MYO18B: variants seen among roughly 807,000 people sequenced by gnomAD.
MYO18B encodes the protein unconventional myosin-XVIIIb.
A neutral mutation model predicts 273.0 loss-of-function variants in MYO18B; 204 were observed. The observed-to-expected ratio is 0.75, with a 90% CI of 0.67 to 0.84. The LOEUF (loss-of-function observed/expected upper bound fraction) is 0.84, where lower values mean the gene tolerates loss of function less well. Ranked by LOEUF, MYO18B falls within the 40% of genes least tolerant of loss-of-function variation. MYO18B has a pLI of 0.00. For synonymous variants in MYO18B, 1,330 were observed against 1,305.7 expected, an observed-to-expected ratio of 1.02 and a Z score of -0.40; for missense variants, 3,212 against 3,287.6, an observed-to-expected ratio of 0.98 and a Z score of 0.56.
rs929998665 is a variant in MYO18B, at chr22:25,834,240, G to T, written c.3061-1056G>T. Among the ~76,000 whole-genome samples the T allele has an allele frequency of 3.3e-5, 5 of 151,370 alleles. 1 individual carries two copies. Among genetic ancestry groups the T allele is most frequent in the South Asian group, 4.2e-4 (2 of 4,786 alleles). ...TGGCTCATTGCAACTTCTGCCTCCCGGATTCAAGCGATTCTCGTGCCTCAG... is the reference window on the plus strand; with the variant it reads ...TGGCTCATTGCAACTTCTGCCTCCCTGATTCAAGCGATTCTCGTGCCTCAG... On this transcript the variant is annotated intron_variant, in intron 16 of 43. Transcript: ENST00000335473.
chr22:25,774,762 CG>C lies in MYO18B; in HGVS notation c.1869+2257del, dbSNP rs575766118. Among the ~76,000 whole-genome samples the C allele has an allele frequency of 7.9e-4, 121 of 152,254 alleles. 1 individual carries two copies. In the Middle Eastern group the frequency reaches 0.01, roughly 13 times the overall value. ...TGGGCTGGGTGGGGTCTGGACACACCGGGGGACTCTCTCACTATGGGGCTAG... is the reference window on the plus strand; with the variant it reads ...TGGGCTGGGTGGGGTCTGGACACACCGGGGACTCTCTCACTATGGGGCTAG... On this transcript the variant is annotated intron_variant, in intron 7 of 43. Transcript: ENST00000335473.
chr22:26,061,104 C>T, the MYO18B span, among the ~76,000 whole-genome samples: 1 of 152,112 alleles, frequency 6.6e-6, no homozygotes, highest in Non-Finnish European at 1.5e-5. Flanking sequence ...CCTGTAGTGC[C>T]AGCTTCTGCT....
intron 40 of MYO18B, among the ~76,000 whole-genome samples, chr22:25,995,103 C>T (rs1048894478): frequency 1.6e-4 from 24 of 152,084 alleles, no homozygotes; most frequent in South Asian, 8.3e-4. Flanking sequence ...TACTATTCAG[C>T]CATAAAAAAG....
In MYO18B at chr22:25,777,605, G is replaced by A. The variant is rs763926960; in HGVS notation, c.1892G>A (p.Gly631Asp). 1 of 1,598,398 alleles carries A rather than the reference G, an allele frequency of 6.3e-7. No individual in the cohort carries two copies. The highest frequency in any genetic ancestry group is 8.5e-7 in the Non-Finnish European group (1 of 1,172,788). The change falls in exon 8 of 44, where the codon GGC becomes GAC. Residue 631 changes from glycine to aspartate, a missense_variant. By Grantham distance (94) the Gly-to-Asp change is moderately conservative. Transcript: ENST00000335473. ...AGKVPKGRRD[G>D]LPAHIGSMAQ... The stretch of plus-strand genomic sequence containing the variant: ...CAGGTGCCCAAGGGCCGCCGGGATG[G>A]CCTGCCTGCCCACATTGGCTCCATG...
At chr22:25,828,567 T>C (rs1437038880) in intron 14 of MYO18B, among the ~76,000 whole-genome samples, 2 of 151,922 alleles carry the variant, frequency 1.3e-5, no homozygotes, top group African/African-American at 2.4e-5. Context: ...TTAGTCCTTA[T>C]AGCTATCCCT....
intron 42 of MYO18B, among the ~76,000 whole-genome samples, chr22:26,017,287 T>C (rs1021044529): frequency 2.6e-5 from 4 of 151,728 alleles, no homozygotes; most frequent in Non-Finnish European, 4.4e-5. Context: ...CACATTGACT[T>C]TATTTCTGTC....
chr22:26,054,561 G>T, the MYO18B span, among the ~76,000 whole-genome samples: 1 of 152,242 alleles, frequency 6.6e-6, no homozygotes, highest in Non-Finnish European at 1.5e-5. Context: ...GGGAGCATGG[G>T]ATGAGGTGGA....
intron 21 of MYO18B, among the ~76,000 whole-genome samples, chr22:25,866,116 T>C (rs1861937517): frequency 6.6e-6 from 1 of 152,198 alleles, no homozygotes; most frequent in African/African-American, 2.4e-5. Context: ...GTGATGTCTT[T>C]GACCCATGGA....
intron 39 of MYO18B, among the ~76,000 whole-genome samples, chr22:25,962,529 C>T (rs1169285319): frequency 6.6e-6 from 1 of 152,186 alleles, no homozygotes; most frequent in Non-Finnish European, 1.5e-5. Context: ...TTGTTTGTAT[C>T]TTACTATGTA....
chr22:25,785,302 C>A, intron 10 of MYO18B, 126 bp from the exon 11 acceptor site: 1 of 802,118 alleles, frequency 1.2e-6, no homozygotes, highest in Non-Finnish European at 2.0e-6. Context: ...GGGCCAAGGC[C>A]AGGGACAGGG....
intron 33 of MYO18B, among the ~76,000 whole-genome samples, chr22:25,911,805 G>T (rs1484999060): frequency 6.6e-6 from 1 of 152,142 alleles, no homozygotes; most frequent in African/African-American, 2.4e-5. Flanking sequence ...CTGTACTAAT[G>T]TAGCCAGCAG....
At chr22:25,894,517 T>C (rs2091749223) in intron 27 of MYO18B, among the ~76,000 whole-genome samples, 1 of 152,178 alleles carries the variant, frequency 6.6e-6, no homozygotes, top group Non-Finnish European at 1.5e-5. Context: ...CAGCCAATAA[T>C]TTTTTTGAGA....
chr22:25,829,031 A>G (rs2089604223), intron 15 of MYO18B, 63 bp downstream of exon 15: 1 of 1,547,588 alleles, frequency 6.5e-7, no homozygotes, highest in South Asian at 1.2e-5. Context: ...GTCAGATGGG[A>G]AGGGGTGGGA....
chr22:25,789,060 TCTCCTC>T (rs1248591466), intron 11 of MYO18B, among the ~76,000 whole-genome samples: 9 of 18,306 alleles, frequency 4.9e-4, no homozygotes, highest in Non-Finnish European at 2.4e-3. Context: ...TTCTTCTCTT[TCTCCTC>T]CTCCTCCTCC....
At chr22:25,804,862 G>T (rs2088394602) in intron 12 of MYO18B, among the ~76,000 whole-genome samples, 1 of 152,240 alleles carries the variant, frequency 6.6e-6, no homozygotes, top group African/African-American at 2.4e-5. Context: ...TGTGAGATCG[G>T]ATATGATGGA....
chr22:25,932,646 G>A (rs959917033), intron 34 of MYO18B, among the ~76,000 whole-genome samples: 2 of 152,062 alleles, frequency 1.3e-5, no homozygotes, highest in African/African-American at 4.8e-5. Flanking sequence ...CCGACCTCAG[G>A]TGATCTGTCC....
At chr22:26,048,048 G>A in the MYO18B span, among the ~76,000 whole-genome samples, 11 of 152,136 alleles carry the variant, frequency 7.2e-5, 1 homozygote, top group South Asian at 8.3e-4. Flanking sequence ...CAGCTTCAAC[G>A]TGCTTTGCTG....
rs779061876 is a variant in MYO18B at position 26,027,078 on chromosome 22, G to A, written c.7104G>A (p.Pro2368=). The change falls in exon 43 of 44, where the codon CCG becomes CCA. Residue 2368 remains proline, a synonymous_variant. Coordinates refer to ENST00000335473, the MANE Select transcript of MYO18B (RefSeq NM_032608.7). The surrounding 1 kb of genome is among the most constrained non-coding windows in gnomAD (Gnocchi z 4.1). ...RPSMGRKLSS[P]TTPRDMLLSP... Reference sequence around the variant, plus strand: ...GCATGGGGAGAAAACTGAGCTCTCCGACCACACCCAGGGACATGCTGTTGT... The same window carrying A: ...GCATGGGGAGAAAACTGAGCTCTCCAACCACACCCAGGGACATGCTGTTGT... 1.1e-5 allele frequency: 18 copies of A among 1,613,970 alleles called. No individual in the cohort carries two copies. The East Asian group carries it at 2.0e-4, about 18-fold the overall frequency.
chr22:25,835,413 GC>G lies in MYO18B; in HGVS notation c.3179del (p.Ala1060ValfsTer101). The G allele has an allele frequency of 6.2e-7, 1 of 1,613,954 alleles. No individual in the cohort carries two copies. The highest frequency in any genetic ancestry group is 8.5e-7 in the Non-Finnish European group (1 of 1,179,888). On this transcript the variant is annotated frameshift_variant, in exon 17 of 44. Coordinates refer to ENST00000335473, the MANE Select transcript of MYO18B (RefSeq NM_032608.7). LOFTEE classifies it high-confidence loss of function. ...DSVVLERLCA[A>X]FEKKGAGTEG... ...TGTGGTGCTCGAGCGTCTGTGTGCT[GC>G]TTTCGAGAAGAAAGGAGCTGGGACT...
Sources: gnomAD v4.1 joint callset for allele counts (sites outside exome capture counted in the v4.1 genomes callset) on GRCh38, gnomAD v4.1.1 for gene constraint, Gnocchi (gnomAD v3.1) non-coding constraint, MANE v1.5 for transcripts, NCBI Gene and HGNC (gene_info 2026-07-23, HGNC 2026-07-21) for gene names.